Variants in SMCHD1 observed in about 807,000 individuals in gnomAD.
The protein encoded by SMCHD1 is structural maintenance of chromosomes flexible hinge domain-containing protein 1.
SMCHD1 carries 78 observed loss-of-function variants against 254.7 expected under a neutral mutation model. That is an observed-to-expected ratio of 0.31 (90% CI 0.26 to 0.37). SMCHD1 has a LOEUF of 0.37. Among genes scored for constraint, SMCHD1 ranks in the 10% least tolerant of loss-of-function variants. The pLI, the probability that SMCHD1 is intolerant of heterozygous loss-of-function variation, is 1.00. For missense variants in SMCHD1, 1,840 were observed against 2,408.1 expected (o/e 0.76, Z 4.94); for synonymous variants, 766 against 794.9 (o/e 0.96, Z 0.61).
In SMCHD1 at chr18:2,723,856, C is replaced by A. The variant is rs560669257; in HGVS notation, c.2604-1043C>A. Reference sequence around the variant, plus strand: ...ACCTTTTCCTTTTGCCAATTCTGAACAGTACCTGGGCACTCGATGGTAGAG... The same window carrying A: ...ACCTTTTCCTTTTGCCAATTCTGAAAAGTACCTGGGCACTCGATGGTAGAG... On this transcript the variant is annotated intron_variant, in intron 20 of 47. Coordinates refer to ENST00000320876, the MANE Select transcript of SMCHD1 (RefSeq NM_015295.3). Among the ~76,000 whole-genome samples, 4 of 152,170 alleles carry A rather than the reference C, an allele frequency of 2.6e-5. No individual in the cohort carries two copies. In the East Asian group the frequency reaches 7.8e-4, roughly 30 times the overall value.
chr18:2,755,922 A>G (rs1333224571), intron 34 of SMCHD1, among the ~76,000 whole-genome samples: 1 of 152,148 alleles, frequency 6.6e-6, no homozygotes, highest in East Asian at 1.9e-4. Flanking sequence ...GCAAAATGTT[A>G]AATAGACATG....
intron 20 of SMCHD1, among the ~76,000 whole-genome samples, chr18:2,723,780 T>C (rs1282964448): frequency 6.6e-6 from 1 of 152,192 alleles, no homozygotes; most frequent in Non-Finnish European, 1.5e-5. Flanking sequence ...AGGAGAGATC[T>C]GGAGATCTGA....
chr18:2,796,551 T>C, intron 47 of SMCHD1, 30 bp downstream of exon 47: 1 of 1,430,920 alleles, frequency 7.0e-7, no homozygotes, highest in South Asian at 1.2e-5. Flanking sequence ...GAATTATGCT[T>C]GGTTAGTTTA....
At chr18:2,667,065 T>G in intron 3 of SMCHD1, 34 bp downstream of exon 3, 1 of 1,466,108 alleles carries the variant, frequency 6.8e-7, no homozygotes, top group Non-Finnish European at 9.3e-7. Flanking sequence ...TTTGATAAAT[T>G]ATTACCTGCC....
At chr18:2,679,116 G>T (rs2073858330) in intron 5 of SMCHD1, among the ~76,000 whole-genome samples, 1 of 150,072 alleles carries the variant, frequency 6.7e-6, no homozygotes, top group South Asian at 2.1e-4. Flanking sequence ...GAAGTGCTGG[G>T]ATTACAAGTG....
chr18:2,680,945 C>T (rs2439767), intron 5 of SMCHD1, among the ~76,000 whole-genome samples: 125,356 of 152,098 alleles, frequency 0.82, 55,098 homozygotes, highest in East Asian at 1. Context: ...AATATATACA[C>T]TTGTGTATCT....
chr18:2,698,241 CTT>C (rs1180157340), intron 10 of SMCHD1, among the ~76,000 whole-genome samples, 200 bp downstream of exon 10: 2 of 152,074 alleles, frequency 1.3e-5, no homozygotes, highest in Non-Finnish European at 2.9e-5. Flanking sequence ...ATGAATAAAT[CTT>C]TAATGAACTC....
At chr18:2,765,068 C>T (rs1450716229) in intron 37 of SMCHD1, among the ~76,000 whole-genome samples, 3 of 152,056 alleles carry the variant, frequency 2.0e-5, no homozygotes, top group Non-Finnish European at 2.9e-5. Flanking sequence ...TTATTTTTGT[C>T]GAATATTTTT....
Position 2,705,772 on chromosome 18 carries a change from G to A in SMCHD1, c.1921G>A (p.Val641Ile). Residue 641 changes from valine (V) to isoleucine (I), a missense_variant, in exon 14 of 48, where the codon GTA becomes ATA. This residue lies in a region of SMCHD1 where 498 missense variants were observed against 743.5 expected (regional missense o/e 0.67). Coordinates refer to ENST00000320876, the MANE Select transcript of SMCHD1 (RefSeq NM_015295.3). The stretch of plus-strand genomic sequence containing the variant: ...TCTTTATGGCGATCATGATGGAGAA[G>A]TATATGCTACAGGAGGAGAGGTTCA... ...FFLYGDHDGE[V>I]YATGGEVQIA... The A allele has an allele frequency of 3.1e-6, 5 of 1,607,758 alleles. No homozygotes were observed. The highest frequency in any genetic ancestry group is 2.2e-5 in the South Asian group (2 of 90,430).
At chr18:2,656,894 C>T (rs111917063) in intron 1 of SMCHD1, among the ~76,000 whole-genome samples, 16 of 152,282 alleles carry the variant, frequency 1.1e-4, no homozygotes, top group African/African-American at 3.6e-4. Context: ...TGGGAATTTC[C>T]AAACCAAGTC....
rs548155153 is a variant in SMCHD1 at position 2,696,272 on chromosome 18, C to T, written c.1041-760C>T. Among the ~76,000 whole-genome samples, 4 of 152,204 alleles carry T rather than the reference C, an allele frequency of 2.6e-5. No individual in the cohort carries two copies. The East Asian group carries it at 7.7e-4, about 29-fold the overall frequency. On this transcript the variant is annotated intron_variant, in intron 8 of 47. Coordinates refer to ENST00000320876, the MANE Select transcript of SMCHD1 (RefSeq NM_015295.3). The stretch of plus-strand genomic sequence containing the variant: ...GTTCTAGAACAGGGGTCCCCAACGC[C>T]CCGGTCGTGAACTGGTACCCATCTG...
intron 12 of SMCHD1, 42 bp from the exon 13 acceptor site, chr18:2,703,650 T>G (rs1387206875): frequency 6.9e-7 from 1 of 1,458,270 alleles, no homozygotes; most frequent in South Asian, 1.2e-5. Context: ...TATATTTGTT[T>G]GCTAGTAGCT....
At position 2,802,779 on chromosome 18, in the gene SMCHD1, T is replaced by A. The variant is rs149176267; in HGVS notation, c.*227T>A. On this transcript the variant is annotated 3_prime_UTR_variant, in exon 48 of 48. Transcript: ENST00000320876. ...TTTACTGGAATTATTCCAGACATTA[T>A]GCCCTTTGGTTGTCACTACCTTGCA... 252 of 420,596 alleles carry A rather than the reference T, an allele frequency of 6.0e-4. No homozygotes were observed. The highest frequency in any genetic ancestry group is 4.7e-3 in the African/African-American group (229 of 48,832). The allele number at this position is 420,596 out of a possible 1,614,324, so 26.1% of individuals were successfully genotyped here.
chr18:2,725,056 A>G, intron 21 of SMCHD1, 61 bp downstream of exon 21: 1 of 1,024,488 alleles, frequency 9.8e-7, no homozygotes, highest in Non-Finnish European at 1.4e-6. Context: ...TATGGTAAGA[A>G]TGAAATTGTA....
intron 3 of SMCHD1, among the ~76,000 whole-genome samples, chr18:2,668,960 G>T (rs112130218): frequency 1.3e-5 from 2 of 150,656 alleles, no homozygotes; most frequent in Non-Finnish European, 2.9e-5. Context: ...CTGTAGCCTC[G>T]AACTCCTAAG....
chr18:2,686,540 G>A (rs982707583), intron 5 of SMCHD1, among the ~76,000 whole-genome samples: 2 of 151,994 alleles, frequency 1.3e-5, no homozygotes, highest in African/African-American at 4.8e-5. Flanking sequence ...GTTTTTCTCT[G>A]ACTTGTTTTA....
intron 34 of SMCHD1, among the ~76,000 whole-genome samples, chr18:2,757,944 G>C (rs1039105911): frequency 1.3e-5 from 2 of 151,718 alleles, no homozygotes; most frequent in Non-Finnish European, 2.9e-5. Flanking sequence ...TTTTTCTCTA[G>C]TAACGTTTTT....
intron 41 of SMCHD1, among the ~76,000 whole-genome samples, chr18:2,775,422 T>C (rs1278540414): frequency 1.3e-5 from 2 of 152,108 alleles, no homozygotes; most frequent in African/African-American, 4.8e-5. Flanking sequence ...GAAAAAAGTA[T>C]ATATTACTAG....
Position 2,796,011 on chromosome 18 carries a change from A to G in SMCHD1, c.5782A>G (p.Ser1928Gly), listed in dbSNP as rs1170346716. The G allele has an allele frequency of 1.3e-6, 2 of 1,596,384 alleles. No homozygotes were observed. Among genetic ancestry groups the G allele is most frequent in the Non-Finnish European group, 8.5e-7 (1 of 1,171,034 alleles). The change falls in exon 46 of 48, where the codon AGT (serine) becomes GGT (glycine). Residue 1928 changes from serine to glycine, a missense_variant. Ser to Gly is a moderately conservative substitution (Grantham distance 56). Transcript: ENST00000320876. ...AGACAGTGTGAATAAGGATCTTAACAGTCAATTAGAGTACCTTCGCACTCC... is the reference window on the plus strand; with the variant it reads ...AGACAGTGTGAATAAGGATCTTAACGGTCAATTAGAGTACCTTCGCACTCC... ...KLDSVNKDLNSQLEYLRTPDM... is the reference protein window; with the variant it reads ...KLDSVNKDLNGQLEYLRTPDM...
Sources: gnomAD v4.1 joint callset for allele counts (sites outside exome capture counted in the v4.1 genomes callset) on GRCh38, gnomAD v4.1.1 for gene constraint, gnomAD v4.1.1 regional missense constraint, MANE v1.5 for transcripts, NCBI Gene and HGNC (gene_info 2026-07-23, HGNC 2026-07-21) for gene names.